Variants in ARVCF observed in about 807,000 individuals in gnomAD.
The protein encoded by ARVCF is ARVCF delta catenin family member.
Under a neutral mutation model 90.9 loss-of-function variants are expected in ARVCF, and 66 were observed. The observed-to-expected ratio is 0.73, with a 90% CI of 0.60 to 0.89. ARVCF has a LOEUF of 0.89. Among genes scored for constraint, ARVCF ranks in the 40% least tolerant of loss-of-function variants. The pLI is 0.00. For missense variants in ARVCF, 1,469 were observed against 1,382.3 expected (o/e 1.06, Z -1.00); for synonymous variants, 653 against 603.4 (o/e 1.08, Z -1.21).
At chr22:19,967,852 T>G (rs5993889), downstream of ARVCF, among the ~76,000 whole-genome samples, 4,147 of 152,348 alleles carry the variant, frequency 0.027, 187 homozygotes, top group African/African-American at 0.092. Context: ...TCTGATAGCA[T>G]AGATAGGCAA....
At chr22:20,016,352 GC>G (rs1945154021) in intron 1 of ARVCF, among the ~76,000 whole-genome samples, 2 of 152,198 alleles carry the variant, frequency 1.3e-5, no homozygotes, top group East Asian at 1.9e-4. Context: ...AAAGAGACCC[GC>G]CCCCGCCGGC....
At chr22:19,979,489 G>C in intron 6 of ARVCF, 1 of 597,324 alleles carries the variant, frequency 1.7e-6, no homozygotes, top group Non-Finnish European at 2.9e-6. Context: ...GGGGGCAGGA[G>C]GTGTGAAGGC....
At chr22:19,970,820 G>A in intron 19 of ARVCF, 77 bp from the exon 20 acceptor site, 1 of 1,289,940 alleles carries the variant, frequency 7.8e-7, no homozygotes, top group Non-Finnish European at 1.0e-6. Context: ...GGGCAGGGCA[G>A]CCAACTCCAC....
Position 20,015,119 on chromosome 22 carries a change from G to A in ARVCF, c.-73+1470C>T, listed in dbSNP as rs575851781. 9.6e-4 allele frequency among the ~76,000 whole-genome samples: 146 copies of A among 152,328 alleles called. 2 individuals carry two copies. In the Middle Eastern group the frequency reaches 0.024, roughly 25 times the overall value. ...GAGGAACCTTGGTCAGAAGGTCCTT[G>A]TGTTTATGCTGAAAAGCCTGACAGG... On this transcript the variant is annotated intron_variant, in intron 1 of 19. Coordinates refer to ENST00000263207, the MANE Select transcript of ARVCF (RefSeq NM_001670.3).
At chr22:19,987,024 C>G in intron 3 of ARVCF, 1 of 650,342 alleles carries the variant, frequency 1.5e-6, no homozygotes, top group East Asian at 3.3e-5. Flanking sequence ...GCCCCGCCCT[C>G]TGCCTCCGAC....
At chr22:19,995,409 C>T (rs1476695364) in intron 2 of ARVCF, among the ~76,000 whole-genome samples, 1 of 151,722 alleles carries the variant, frequency 6.6e-6, no homozygotes, top group Non-Finnish European at 1.5e-5. Flanking sequence ...GTGTAAGGGC[C>T]GGTGGGCAGG....
In ARVCF at chr22:19,980,264, G is replaced by A. The variant is rs766322848; in HGVS notation, c.897-22C>T. The A allele has an allele frequency of 3.3e-5, 50 of 1,498,004 alleles. 1 individual carries two copies. In the South Asian group the frequency reaches 5.2e-4, roughly 16 times the overall value. The allele number at this position is 1,498,004 out of a possible 1,614,324, so 92.8% of individuals were successfully genotyped here. A position where few individuals can be genotyped will look rare whatever the true frequency, so the allele number is the denominator to read the frequency against. ...GGCCCTGCACAGGCAAGTGGGGCGC[G>A]TGGACATCGTCACAGCAGCCGCCAG... On this transcript the variant is annotated intron_variant, in intron 5 of 19. Coordinates refer to ENST00000263207, the MANE Select transcript of ARVCF (RefSeq NM_001670.3).
At chr22:20,009,984 T>C (rs1199807059) in intron 2 of ARVCF, among the ~76,000 whole-genome samples, 2 of 152,226 alleles carry the variant, frequency 1.3e-5, no homozygotes. Flanking sequence ...TATCAGACCT[T>C]TTCAAACAAA....
chr22:19,967,007 G>A (rs897087342), downstream of ARVCF: 6 of 985,346 alleles, frequency 6.1e-6, no homozygotes, highest in African/African-American at 7.0e-5. Flanking sequence ...CTGAGTAGCT[G>A]GTAGGAGGCT....
rs189617544 is a variant in ARVCF at position 19,994,915 on chromosome 22, G to C, written c.-18-4103C>G. Among the ~76,000 whole-genome samples the C allele has an allele frequency of 6.5e-3, 844 of 130,760 alleles. 4 individuals are homozygous for C. Among genetic ancestry groups the C allele is most frequent in the Non-Finnish European group, 0.011 (650 of 60,462 alleles). 85.8% of individuals were successfully genotyped at this position (130,760 alleles called of 152,430 possible). On this transcript the variant is annotated intron_variant, in intron 2 of 19. Transcript: ENST00000263207. Reference sequence around the variant, plus strand: ...GGATGGATGAACGTATGGATGGATGGGGGGGGATGGTGGAGGATGGACAGA... The same window carrying C: ...GGATGGATGAACGTATGGATGGATGCGGGGGGATGGTGGAGGATGGACAGA...
intron 1 of ARVCF, among the ~76,000 whole-genome samples, chr22:20,014,105 ACCT>A (rs1444368757): frequency 6.6e-6 from 1 of 151,804 alleles, no homozygotes; most frequent in Non-Finnish European, 1.5e-5. Context: ...CAAACTCCTG[ACCT>A]CAGGTGATCT....
chr22:19,977,464 C>A lies in ARVCF; in HGVS notation c.1821G>T (p.Gln607His), dbSNP rs559227752. Residue 607 changes from glutamine (Q) to histidine (H), a missense_variant, in exon 9 of 20, where the codon CAG (glutamine) becomes CAT (histidine). Physicochemically the swap from Gln to His is conservative, Grantham distance 24. Transcript: ENST00000263207. ...AGCTGGCATCATCCCGCCTCCGGCG[C>A]TGGGAGCCTACAGCACTGCCCAGGG... is the stretch of plus-strand genomic sequence containing the variant. Reference protein sequence around the residue: ...PGPLGSAVGSQRRRRDDASCF... With the variant: ...PGPLGSAVGSHRRRRDDASCF... The A allele has an allele frequency of 1.9e-6, 3 of 1,571,036 alleles. No homozygotes were observed. The highest frequency in any genetic ancestry group is 2.3e-5 in the South Asian group (2 of 86,144).
At chr22:19,996,082 G>A (rs769899965) in intron 2 of ARVCF, among the ~76,000 whole-genome samples, 18 of 152,202 alleles carry the variant, frequency 1.2e-4, no homozygotes, top group Non-Finnish European at 2.1e-4. Flanking sequence ...CAAGCCCACT[G>A]GCCGGGCACT....
rs1457703690 is a variant in ARVCF, at chr22:19,973,708, A to G, written c.2174T>C (p.Val725Ala). Residue 725 changes from valine (V) to alanine (A), a missense_variant, in exon 13 of 20, where the codon GTG (valine) becomes GCG (alanine). Physicochemically the swap from Val to Ala is moderately conservative, Grantham distance 64. Transcript: ENST00000263207. Reference protein sequence around the residue: ...VELLQSETDKVVRAVAIALRN... With the variant: ...VELLQSETDKAVRAVAIALRN... ...CAGAGCGATGGCGACGGCGCGCACCACCTTGTCGGTCTCAGACTGCAGCAG... is the reference window on the plus strand; with the variant it reads ...CAGAGCGATGGCGACGGCGCGCACCGCCTTGTCGGTCTCAGACTGCAGCAG... 1 of 1,610,038 alleles carries G rather than the reference A, an allele frequency of 6.2e-7. No individual in the cohort carries two copies. The highest frequency in any genetic ancestry group is 1.1e-5 in the South Asian group (1 of 91,074).
chr22:20,007,643 G>A (rs1031164690), intron 2 of ARVCF, among the ~76,000 whole-genome samples: 2 of 152,340 alleles, frequency 1.3e-5, no homozygotes, highest in African/African-American at 4.8e-5. Context: ...AGTGGGAGTG[G>A]ATTTGTTATC....
intron 7 of ARVCF, among the ~76,000 whole-genome samples, chr22:19,978,673 CCA>C (rs968477875): frequency 1.6e-4 from 24 of 152,284 alleles, no homozygotes; most frequent in Non-Finnish European, 1.8e-4. Flanking sequence ...GGCTACGGTA[CCA>C]CAGAGACCCC....
At position 19,981,531 on chromosome 22, in the gene ARVCF, G is replaced by A. The variant is rs1268534400; in HGVS notation, c.576C>T (p.Gly192=). 1 of 1,581,402 alleles carries A rather than the reference G, an allele frequency of 6.3e-7. No individual in the cohort carries two copies. The highest frequency in any genetic ancestry group is 8.6e-7 in the Non-Finnish European group (1 of 1,165,308). Residue 192 remains glycine, a synonymous_variant, in exon 5 of 20, where the codon GGC becomes GGT. Coordinates refer to ENST00000263207, the MANE Select transcript of ARVCF (RefSeq NM_001670.3). ...AGCTGGGGCTGTCCCGGGGCTCGGG[G>A]CCTTCGGGAAAGCCACCCCCACTGC... ...YLSSGGGFPE[G]PEPRDSPSYG...
At chr22:19,972,298 C>T (rs575876159) in intron 17 of ARVCF, 60 bp downstream of exon 17, 2 of 1,607,122 alleles carry the variant, frequency 1.2e-6, no homozygotes, top group Non-Finnish European at 1.7e-6. Flanking sequence ...CCAGCAGGCC[C>T]ACTTCAGGCC....
chr22:19,981,331 T>C lies in ARVCF; in HGVS notation c.776A>G (p.Tyr259Cys), dbSNP rs1226346101. The C allele has an allele frequency of 5.0e-6, 8 of 1,605,130 alleles. No homozygotes were observed. The highest frequency in any genetic ancestry group is 5.1e-6 in the Non-Finnish European group (6 of 1,176,856). Residue 259 changes from tyrosine (Y) to cysteine (C), a missense_variant, in exon 5 of 20, where the codon TAT becomes TGT. By Grantham distance (194) the Tyr-to-Cys change is radical. Transcript: ENST00000263207. ...SLPERFQAEPYGLEDDTRSLA... is the reference protein window; with the variant it reads ...SLPERFQAEPCGLEDDTRSLA... ...GCTGCGCGTGTCATCCTCCAAGCCATACGGCTCTGCCTGGAAGCGCTCGGG... is the reference window on the plus strand; with the variant it reads ...GCTGCGCGTGTCATCCTCCAAGCCACACGGCTCTGCCTGGAAGCGCTCGGG...
Sources: gnomAD v4.1 joint callset for allele counts (sites outside exome capture counted in the v4.1 genomes callset) on GRCh38, gnomAD v4.1.1 for gene constraint, MANE v1.5 for transcripts, NCBI Gene and HGNC (gene_info 2026-07-23, HGNC 2026-07-21) for gene names.